LAPTM4B: variants seen among roughly 807,000 people sequenced by gnomAD.
The protein encoded by LAPTM4B is lysosomal-associated transmembrane protein 4B.
A neutral mutation model predicts 28.5 loss-of-function variants in LAPTM4B; 26 were observed. The observed-to-expected ratio is 0.91, with a 90% CI of 0.67 to 1.27. The LOEUF is 1.27. Among genes scored for constraint, LAPTM4B ranks in the 50% most tolerant of loss-of-function variants. The pLI, the probability that LAPTM4B is intolerant of heterozygous loss-of-function variation, is 0.00. For synonymous variants in LAPTM4B, 109 were observed against 106.4 expected, an observed-to-expected ratio of 1.02 and a Z score of -0.15; for missense variants, 288 against 285.8, an observed-to-expected ratio of 1.01 and a Z score of -0.06.
At chr8:97,788,106 A>C (rs4734371) in intron 1 of LAPTM4B, 10,335 of 154,474 alleles carry the variant, frequency 0.067, 859 homozygotes, top group East Asian at 0.36. Context: ...TCCCAATAAA[A>C]CGTCCAACTG....
intron 1 of LAPTM4B, among the ~76,000 whole-genome samples, chr8:97,802,269 A>G (rs892151133): frequency 6.6e-6 from 1 of 152,160 alleles, no homozygotes; most frequent in Non-Finnish European, 1.5e-5. Context: ...TACTATAATT[A>G]TTTATTCATT....
intron 1 of LAPTM4B, among the ~76,000 whole-genome samples, chr8:97,779,443 C>T (rs1380741355): frequency 6.6e-6 from 1 of 151,810 alleles, no homozygotes; most frequent in East Asian, 1.9e-4. Context: ...CAAGATTGTG[C>T]CACTGCACTC....
intron 1 of LAPTM4B, among the ~76,000 whole-genome samples, chr8:97,779,676 T>C (rs943784340): frequency 3.3e-5 from 5 of 149,896 alleles, no homozygotes; most frequent in African/African-American, 1.2e-4. Flanking sequence ...TCCCAGCTAC[T>C]CAGGAGGCTG....
intron 2 of LAPTM4B, among the ~76,000 whole-genome samples, chr8:97,813,428 A>G (rs1816857096): frequency 8.4e-6 from 1 of 119,648 alleles, no homozygotes; most frequent in South Asian, 2.6e-4. Flanking sequence ...AGCTGGTTAG[A>G]TGGTACCCAT....
rs950388603 is a variant in LAPTM4B at position 97,789,156 on chromosome 8, C to T, written c.99+13048C>T. ...TGGTGTGATCTCGACTTACTGCAACCTCCGCCTCCCAGGTTCAAGCGATTG... is the reference window on the plus strand; with the variant it reads ...TGGTGTGATCTCGACTTACTGCAACTTCCGCCTCCCAGGTTCAAGCGATTG... On this transcript the variant is annotated intron_variant, in intron 1 of 6. Coordinates refer to ENST00000521545, the MANE Select transcript of LAPTM4B (RefSeq NM_018407.6). Among the ~76,000 whole-genome samples the T allele has an allele frequency of 1.5e-3, 225 of 151,658 alleles. 3 individuals are homozygous for T. Among genetic ancestry groups the T allele is most frequent in the Non-Finnish European group, 8.8e-5 (6 of 67,952 alleles).
At chr8:97,842,839 G>A (rs1022592729) in intron 6 of LAPTM4B, among the ~76,000 whole-genome samples, 2 of 148,566 alleles carry the variant, frequency 1.3e-5, no homozygotes, top group Non-Finnish European at 3.0e-5. Flanking sequence ...TTTTTGTAAG[G>A]ATATCTTTTT....
At chr8:97,837,349 T>C (rs976367858) in intron 6 of LAPTM4B, among the ~76,000 whole-genome samples, 1 of 152,056 alleles carries the variant, frequency 6.6e-6, no homozygotes, top group African/African-American at 2.4e-5. Flanking sequence ...CATGCCACTA[T>C]GCCTGGCTAA....
chr8:97,828,702 G>A (rs1334031152), intron 6 of LAPTM4B, among the ~76,000 whole-genome samples: 1 of 152,144 alleles, frequency 6.6e-6, no homozygotes, highest in Non-Finnish European at 1.5e-5. Flanking sequence ...GGACAACTGC[G>A]GCTAAGGAAT....
intron 2 of LAPTM4B, among the ~76,000 whole-genome samples, chr8:97,814,455 C>T (rs7813751): frequency 0.45 from 68,562 of 151,578 alleles, 15,964 homozygotes; most frequent in East Asian, 0.58. Context: ...GCCTGGGATG[C>T]GGAATTTGCA....
At chr8:97,847,957 A>G (rs887784353) in intron 6 of LAPTM4B, among the ~76,000 whole-genome samples, 3 of 152,202 alleles carry the variant, frequency 2.0e-5, no homozygotes, top group African/African-American at 7.2e-5. Context: ...TTTGAAAGAA[A>G]AGACTATCAA....
intron 5 of LAPTM4B, among the ~76,000 whole-genome samples, chr8:97,824,724 G>A (rs1389502254): frequency 6.6e-6 from 1 of 152,162 alleles, no homozygotes; most frequent in Non-Finnish European, 1.5e-5. Context: ...GAATTCAGGA[G>A]CGATAATGTT....
At chr8:97,838,970 G>A (rs1817303088) in intron 6 of LAPTM4B, among the ~76,000 whole-genome samples, 1 of 152,150 alleles carries the variant, frequency 6.6e-6, no homozygotes, top group African/African-American at 2.4e-5. Flanking sequence ...CCCAGTCCCT[G>A]CATTCTCCCG....
rs563630659 is a variant in LAPTM4B at position 97,820,230 on chromosome 8, A to G, written c.507+992A>G. Reference sequence around the variant, plus strand: ...TCATTATAACTTGTGCTTATGAGCTACTAATGGGTAGAAAACTCTCATGGC... The same window carrying G: ...TCATTATAACTTGTGCTTATGAGCTGCTAATGGGTAGAAAACTCTCATGGC... On this transcript the variant is annotated intron_variant, in intron 5 of 6. Transcript: ENST00000521545. 6.9e-4 allele frequency among the ~76,000 whole-genome samples: 105 copies of G among 151,862 alleles called. 1 individual carries two copies. In the South Asian group the frequency reaches 0.021, roughly 30 times the overall value.
At chr8:97,824,591 C>T (rs1482103151) in intron 5 of LAPTM4B, among the ~76,000 whole-genome samples, 1 of 151,970 alleles carries the variant, frequency 6.6e-6, no homozygotes, top group African/African-American at 2.4e-5. Flanking sequence ...AATTTATATG[C>T]TATGAAATTT....
intron 6 of LAPTM4B, among the ~76,000 whole-genome samples, chr8:97,850,842 AT>A (rs1817513280): frequency 6.7e-6 from 1 of 149,700 alleles, no homozygotes; most frequent in African/African-American, 2.5e-5. Flanking sequence ...TCTGTATTCC[AT>A]TTTCTACTCC....
At chr8:97,808,027 C>T (rs936130125) in intron 2 of LAPTM4B, among the ~76,000 whole-genome samples, 2 of 151,172 alleles carry the variant, frequency 1.3e-5, no homozygotes, top group Non-Finnish European at 2.9e-5. Context: ...CGCCATGTTG[C>T]GTAGGCTGGT....
intron 1 of LAPTM4B, among the ~76,000 whole-genome samples, chr8:97,805,035 G>A (rs4735495): frequency 0.44 from 67,529 of 152,000 alleles, 15,490 homozygotes; most frequent in East Asian, 0.57. Flanking sequence ...AACCACTGGC[G>A]CCAGGGCTGA....
At chr8:97,802,938 C>T (rs547613889) in intron 1 of LAPTM4B, among the ~76,000 whole-genome samples, 5 of 152,136 alleles carry the variant, frequency 3.3e-5, no homozygotes, top group African/African-American at 9.6e-5. Flanking sequence ...CGGTGCCTCA[C>T]GCCTATAATC....
At chr8:97,776,231 CTTAA>C (rs1816211909) in intron 1 of LAPTM4B, 123 bp downstream of exon 1, 13 of 1,174,648 alleles carry the variant, frequency 1.1e-5, no homozygotes, top group African/African-American at 1.6e-5. Context: ...TTATTAGAAA[CTTAA>C]TTCTCCGGGT....
Sources: gnomAD v4.1 joint callset for allele counts (sites outside exome capture counted in the v4.1 genomes callset) on GRCh38, gnomAD v4.1.1 for gene constraint, MANE v1.5 for transcripts, NCBI Gene and HGNC (gene_info 2026-07-23, HGNC 2026-07-21) for gene names.